Variants in TYW1B observed in about 807,000 individuals in gnomAD.
The protein encoded by TYW1B is S-adenosyl-L-methionine-dependent tRNA 4-demethylwyosine synthase TYW1B.
A neutral mutation model predicts 86.9 loss-of-function variants in TYW1B; 73 were observed. That is an observed-to-expected ratio of 0.84 (90% CI 0.70 to 1.02). The LOEUF is 1.02. Among genes scored for constraint, TYW1B ranks in the 50% least tolerant of loss-of-function variants. The probability of loss-of-function intolerance (pLI) is 0.00; values close to 1 mark genes in which losing one functional copy is unlikely to be tolerated. For missense variants in TYW1B, 637 were observed against 827.4 expected (o/e 0.77, Z 2.82); for synonymous variants, 248 against 292.8 (o/e 0.85, Z 1.56).
intron 7 of TYW1B, among the ~76,000 whole-genome samples, chr7:72,753,677 C>T (rs1432040341): frequency 6.6e-6 from 1 of 151,948 alleles, no homozygotes; most frequent in Non-Finnish European, 1.5e-5. Flanking sequence ...GACGGGGTTT[C>T]AGCACCTTGG....
chr7:72,755,025 T>C (rs997900411), intron 7 of TYW1B, among the ~76,000 whole-genome samples: 7 of 152,050 alleles, frequency 4.6e-5, no homozygotes, highest in African/African-American at 1.7e-4. Context: ...AAAATCACTA[T>C]ATTGGAAAGA....
chr7:72,809,673 A>C (rs1440944157), intron 4 of TYW1B, among the ~76,000 whole-genome samples: 2 of 151,282 alleles, frequency 1.3e-5, no homozygotes, highest in African/African-American at 4.9e-5. Context: ...ACATAATTAA[A>C]AAAAAATTTT....
At chr7:72,781,415 T>C (rs1426754532) in intron 6 of TYW1B, among the ~76,000 whole-genome samples, 1 of 152,144 alleles carries the variant, frequency 6.6e-6, no homozygotes, top group Non-Finnish European at 1.5e-5. Flanking sequence ...CACACTTCAC[T>C]AATTATATTG....
intron 13 of TYW1B, among the ~76,000 whole-genome samples, chr7:72,597,547 T>C (rs1408899985): frequency 6.6e-6 from 1 of 151,754 alleles, no homozygotes; most frequent in Non-Finnish European, 1.5e-5. Context: ...CACACTGAAA[T>C]AGACACACCT....
At chr7:72,608,860 C>T (rs1202034018) in intron 13 of TYW1B, among the ~76,000 whole-genome samples, 2 of 152,176 alleles carry the variant, frequency 1.3e-5, no homozygotes, top group Non-Finnish European at 2.9e-5. Context: ...AAAGGAATAG[C>T]ATGAGAAAGA....
At chr7:72,618,525 T>C (rs1554437360) in intron 12 of TYW1B, among the ~76,000 whole-genome samples, 1 of 152,132 alleles carries the variant, frequency 6.6e-6, no homozygotes, top group African/African-American at 2.4e-5. Flanking sequence ...CAACACTTAA[T>C]TTTTAAAAAC....
chr7:72,733,398 G>A (rs1325789516), intron 8 of TYW1B, among the ~76,000 whole-genome samples: 8 of 152,094 alleles, frequency 5.3e-5, no homozygotes, highest in Admixed American at 4.6e-4. Flanking sequence ...GGTGGCTCAC[G>A]CCTGTAATCC....
chr7:72,629,283 T>G (rs1479685733), intron 11 of TYW1B, among the ~76,000 whole-genome samples: 7 of 152,240 alleles, frequency 4.6e-5, no homozygotes, highest in African/African-American at 1.7e-4. Context: ...ACAGACACAC[T>G]GAATTACATT....
In TYW1B at chr7:72,575,673, A is replaced by T; in HGVS notation, c.1832T>A (p.Phe611Tyr). Residue 611 changes from phenylalanine to tyrosine, a missense_variant, in exon 14 of 14, where the codon TTC becomes TAC. Coordinates refer to ENST00000620995, the MANE Select transcript of TYW1B (RefSeq NM_001145440.3). ...EWWTWIDYNR[F>Y]QELIQEYEDS... ...TTCATATTCCTGGATGAGCTCCTGG[A>T]AGCGGTTATAATCGATCCATGTCCA... 6.2e-7 allele frequency: 1 copy of T among 1,613,634 alleles called. No individual in the cohort carries two copies. Among genetic ancestry groups the T allele is most frequent in the Non-Finnish European group, 8.5e-7 (1 of 1,179,726 alleles).
At chr7:72,792,261 A>C (rs1788233407) in intron 6 of TYW1B, among the ~76,000 whole-genome samples, 1 of 151,758 alleles carries the variant, frequency 6.6e-6, no homozygotes, top group East Asian at 1.9e-4. Flanking sequence ...TGGGAGGCGG[A>C]AGTTGCAGTG....
intron 11 of TYW1B, among the ~76,000 whole-genome samples, chr7:72,675,611 AC>A: frequency 6.6e-6 from 1 of 150,848 alleles, no homozygotes; most frequent in Non-Finnish European, 1.5e-5. Context: ...ACACACATGC[AC>A]TGTATATACA....
chr7:72,749,050 T>C (rs1414478227), intron 7 of TYW1B, among the ~76,000 whole-genome samples: 10 of 152,214 alleles, frequency 6.6e-5, no homozygotes, highest in East Asian at 1.9e-4. Context: ...AGGAAAACCA[T>C]TGAAAACTAA....
chr7:72,752,358 T>C (rs1183405136), intron 7 of TYW1B, among the ~76,000 whole-genome samples: 1 of 152,184 alleles, frequency 6.6e-6, no homozygotes, highest in Admixed American at 6.5e-5. Flanking sequence ...AATTTTTGTA[T>C]TTTGGAAATA....
At chr7:72,632,414 T>C (rs1385265026) in intron 11 of TYW1B, among the ~76,000 whole-genome samples, 4 of 107,092 alleles carry the variant, frequency 3.7e-5, no homozygotes, top group African/African-American at 1.9e-4. Flanking sequence ...TATATATACA[T>C]ATATATATAA....
In TYW1B at chr7:72,810,564, G is replaced by A; in HGVS notation, c.339C>T (p.Ser113=). 1 of 1,613,910 alleles carries A rather than the reference G, an allele frequency of 6.2e-7. No homozygotes were observed. The highest frequency in any genetic ancestry group is 1.3e-5 in the African/African-American group (1 of 75,016). ...AAGTTTTGCCAAATCGAAAATCAAT[G>A]GATGCTTCCTCTAACCATTTGCAGA... ...EWFCKWLEEA[S]IDFRFGKTYL... is the part of the protein sequence containing the mutation. The change falls in exon 4 of 14, where the codon TCC becomes TCT. Residue 113 remains serine, a synonymous_variant. Coordinates refer to ENST00000620995, the MANE Select transcript of TYW1B (RefSeq NM_001145440.3).
chr7:72,616,870 C>T, intron 12 of TYW1B, 31 bp from the exon 13 acceptor site: 1 of 1,609,664 alleles, frequency 6.2e-7, no homozygotes, highest in South Asian at 1.1e-5. Flanking sequence ...TCAGAGATGA[C>T]TACAGACCTA....
chr7:72,681,729 G>T (rs186770948), intron 11 of TYW1B, among the ~76,000 whole-genome samples: 25 of 151,346 alleles, frequency 1.7e-4, no homozygotes, highest in African/African-American at 6.1e-4. Context: ...CGAGTAGCTG[G>T]GACCCACCAC....
At position 72,751,671 on chromosome 7, in the gene TYW1B, G is replaced by A. The variant is rs186143466; in HGVS notation, c.965-7070C>T. On this transcript the variant is annotated intron_variant, in intron 7 of 13. Transcript: ENST00000620995. Reference sequence around the variant, plus strand: ...AGTTGATTATTCTTATTCAAGGTATGATTTTCTTGTTCCTTGGTATGGCAA... The same window carrying A: ...AGTTGATTATTCTTATTCAAGGTATAATTTTCTTGTTCCTTGGTATGGCAA... Among the ~76,000 whole-genome samples the A allele has an allele frequency of 3.2e-3, 482 of 152,252 alleles. 2 individuals carry two copies. Among genetic ancestry groups the A allele is most frequent in the Non-Finnish European group, 4.3e-3 (291 of 68,000 alleles).
At chr7:72,611,315 C>G (rs1554435881) in intron 13 of TYW1B, among the ~76,000 whole-genome samples, 1 of 152,098 alleles carries the variant, frequency 6.6e-6, no homozygotes, top group East Asian at 1.9e-4. Flanking sequence ...AAGGCAGGAA[C>G]TGATATGGTT....
Sources: gnomAD v4.1 joint callset for allele counts (sites outside exome capture counted in the v4.1 genomes callset) on GRCh38, gnomAD v4.1.1 for gene constraint, MANE v1.5 for transcripts, NCBI Gene and HGNC (gene_info 2026-07-23, HGNC 2026-07-21) for gene names.